Variants in LINGO2 observed in about 807,000 individuals in gnomAD.
The protein encoded by LINGO2 is leucine-rich repeat and immunoglobulin-like domain-containing nogo receptor-interacting protein 2.
In LINGO2, 14 loss-of-function variants were observed where a neutral mutation model predicts 30.6. That is an observed-to-expected ratio of 0.46 (90% CI 0.30 to 0.72). The LOEUF (loss-of-function observed/expected upper bound fraction) is 0.72, where lower values mean the gene tolerates loss of function less well. Ranked by LOEUF, LINGO2 falls within the 30% of genes least tolerant of loss-of-function variation. LINGO2 has a pLI of 0.07. For missense variants in LINGO2, 729 were observed against 751.7 expected (o/e 0.97, Z 0.35); for synonymous variants, 317 against 288.5 (o/e 1.10, Z -1.00).
chr9:28,396,989 A>G (rs139883259), intron 2 of LINGO2, among the ~76,000 whole-genome samples: 203 of 152,260 alleles, frequency 1.3e-3, no homozygotes, highest in African/African-American at 3.6e-3. Flanking sequence ...TTCCTAATCT[A>G]GCCTACACTC....
intron 4 of LINGO2, among the ~76,000 whole-genome samples, chr9:28,109,289 A>G (rs1826697796): frequency 6.6e-6 from 1 of 152,244 alleles, no homozygotes; most frequent in African/African-American, 2.4e-5. Context: ...AGACAATATC[A>G]TACTGACTGG....
rs531455401 is a variant in LINGO2, at chr9:28,509,589, T to C, written c.-364-33564A>G. Among the ~76,000 whole-genome samples the C allele has an allele frequency of 7.9e-5, 12 of 152,330 alleles. 1 individual carries two copies. The South Asian group carries it at 2.5e-3, about 32-fold the overall frequency. ...AGCTCTAACTCCCAATGTGACTATA[T>C]TGAGAGACAGGGCCGTTAAGGAGGT... On this transcript the variant is annotated intron_variant, in intron 1 of 5. Coordinates refer to ENST00000379992, the Ensembl canonical transcript of LINGO2.
the LINGO2 span, among the ~76,000 whole-genome samples, chr9:28,988,997 G>C: frequency 1.3e-5 from 2 of 151,990 alleles, no homozygotes; most frequent in Non-Finnish European, 2.9e-5. Context: ...CTGTGTTCTT[G>C]CTGACATCAC....
At chr9:28,092,356 C>A (rs1826117140) in intron 4 of LINGO2, among the ~76,000 whole-genome samples, 2 of 151,954 alleles carry the variant, frequency 1.3e-5, no homozygotes, top group Non-Finnish European at 2.9e-5. Context: ...CCATGGAATA[C>A]TATGCAGCCA....
At chr9:28,230,912 A>AT (rs1293376052) in intron 4 of LINGO2, among the ~76,000 whole-genome samples, 1 of 151,948 alleles carries the variant, frequency 6.6e-6, no homozygotes, top group Non-Finnish European at 1.5e-5. Flanking sequence ...TTATAATGGT[A>AT]TGTAGAGTAT....
At chr9:29,133,561 G>A in the LINGO2 span, among the ~76,000 whole-genome samples, 2 of 152,262 alleles carry the variant, frequency 1.3e-5, no homozygotes, top group South Asian at 4.1e-4. Flanking sequence ...GGTCAGGACT[G>A]AAGAATCCTT....
the LINGO2 span, among the ~76,000 whole-genome samples, chr9:29,000,176 T>G: frequency 2.0e-5 from 3 of 151,980 alleles, no homozygotes; most frequent in African/African-American, 7.2e-5. Context: ...GTGGTAAGTA[T>G]TCTTCGGCAT....
chr9:29,013,147 G>C, the LINGO2 span, among the ~76,000 whole-genome samples: 1 of 152,178 alleles, frequency 6.6e-6, no homozygotes, highest in Non-Finnish European at 1.5e-5. Flanking sequence ...TACATAGAGA[G>C]AAAGATGCAA....
chr9:27,999,860 A>G (rs1056192975), intron 5 of LINGO2, among the ~76,000 whole-genome samples: 3 of 152,166 alleles, frequency 2.0e-5, no homozygotes, highest in African/African-American at 7.2e-5. Context: ...ATGCCATTAA[A>G]AGTAATGGCA....
At chr9:29,008,300 C>T in the LINGO2 span, among the ~76,000 whole-genome samples, 1 of 152,100 alleles carries the variant, frequency 6.6e-6, no homozygotes, top group African/African-American at 2.4e-5. Flanking sequence ...TGTATATGTG[C>T]CACATTTTCT....
rs1197579975 is a variant in LINGO2, at chr9:28,278,066, C to G, written c.-87+17142G>C. 2.0e-5 allele frequency among the ~76,000 whole-genome samples: 3 copies of G among 152,208 alleles called. No homozygotes were observed. In the East Asian group the frequency reaches 5.8e-4, roughly 29 times the overall value. On this transcript the variant is annotated intron_variant, in intron 4 of 5. Transcript: ENST00000379992. ...TTGATATGGAGAAAATTGTAGTGGT[C>G]TGGATAGAAGATCAAACCAGACACA...
chr9:28,547,526 T>C (rs1256822469), intron 1 of LINGO2, among the ~76,000 whole-genome samples: 1 of 152,116 alleles, frequency 6.6e-6, no homozygotes, highest in East Asian at 1.9e-4. Flanking sequence ...AAAACAACTT[T>C]AGTTCTTTAA....
At chr9:28,996,833 T>C in the LINGO2 span, among the ~76,000 whole-genome samples, 1 of 152,140 alleles carries the variant, frequency 6.6e-6, no homozygotes, top group African/African-American at 2.4e-5. Flanking sequence ...AATTATAGGA[T>C]CACAATGTAA....
intron 2 of LINGO2, among the ~76,000 whole-genome samples, chr9:28,438,724 T>C (rs1262169234): frequency 6.6e-6 from 1 of 151,764 alleles, no homozygotes; most frequent in Non-Finnish European, 1.5e-5. Context: ...TCTTTACTAC[T>C]GCCACTGAAG....
intron 1 of LINGO2, among the ~76,000 whole-genome samples, chr9:28,511,175 C>T (rs1820370165): frequency 6.6e-6 from 1 of 152,182 alleles, no homozygotes; most frequent in Non-Finnish European, 1.5e-5. Context: ...TTAACCATCA[C>T]AAGTCCACCC....
At chr9:29,190,821 G>T in the LINGO2 span, among the ~76,000 whole-genome samples, 1 of 152,150 alleles carries the variant, frequency 6.6e-6, no homozygotes, top group African/African-American at 2.4e-5. Flanking sequence ...CCAATTAACT[G>T]GTATGGCATT....
At chr9:28,961,659 G>A in the LINGO2 span, among the ~76,000 whole-genome samples, 1 of 152,120 alleles carries the variant, frequency 6.6e-6, no homozygotes, top group East Asian at 1.9e-4. Flanking sequence ...ACAACTGCAC[G>A]GAGAGTTCTG....
At chr9:28,706,217 C>T in the LINGO2 span, among the ~76,000 whole-genome samples, 14,688 of 151,964 alleles carry the variant, frequency 0.097, 951 homozygotes, top group East Asian at 0.2. Context: ...TCCTCAAGGT[C>T]GGTTTCAAAC....
chr9:28,449,895 T>C (rs1209242144), intron 2 of LINGO2, among the ~76,000 whole-genome samples: 1 of 151,978 alleles, frequency 6.6e-6, no homozygotes, highest in Non-Finnish European at 1.5e-5. Flanking sequence ...AATTTCTGCC[T>C]TTCTTAGAGT....
Sources: allele counts gnomAD v4.1 joint callset (sites outside exome capture counted in the v4.1 genomes callset), GRCh38; gene constraint gnomAD v4.1.1; transcripts MANE v1.5; gene names NCBI Gene and HGNC (gene_info 2026-07-23, HGNC 2026-07-21).